DDX1: variants seen among roughly 807,000 people sequenced by gnomAD.
DDX1 encodes the protein DEAD-box helicase 1.
Under a neutral mutation model 108.7 loss-of-function variants are expected in DDX1, and 28 were observed. The ratio of observed to expected loss-of-function variants is 0.26; its 90% CI spans 0.19 to 0.35. DDX1 has a LOEUF of 0.35. Ranked by LOEUF, DDX1 falls within the 10% of genes least tolerant of loss-of-function variation. The pLI is 1.00. For missense variants in DDX1, 710 were observed against 884.5 expected, an observed-to-expected ratio of 0.80 and a Z score of 2.50; for synonymous variants, 295 against 288.9, an observed-to-expected ratio of 1.02 and a Z score of -0.21.
Position 15,595,608 on chromosome 2 carries a change from C to G in DDX1, c.132+55C>G, listed in dbSNP as rs556312119. 4 of 1,170,628 alleles carry G rather than the reference C, an allele frequency of 3.4e-6. No homozygotes were observed. In the South Asian group the frequency reaches 3.7e-5, roughly 11 times the overall value. The allele number at this position is 1,170,628 out of a possible 1,614,324, so 72.5% of individuals were successfully genotyped here. A position where few individuals can be genotyped will look rare whatever the true frequency, so the allele number is the denominator to read the frequency against. Reference sequence around the variant, plus strand: ...AGCTGGGGACACACTCTAAGAATTGCATAGGCTTACAAATGCTACTTTACC... The same window carrying G: ...AGCTGGGGACACACTCTAAGAATTGGATAGGCTTACAAATGCTACTTTACC... On this transcript the variant is annotated intron_variant, in intron 3 of 25. Coordinates refer to ENST00000233084, the MANE Select transcript of DDX1 (RefSeq NM_004939.3).
At position 15,602,608 on chromosome 2, in the gene DDX1, G is replaced by T; in HGVS notation, c.368G>T (p.Arg123Ile). Reference sequence around the variant, plus strand: ...GAAGTAAAGGAATGGCATGGGTGTAGAGCTACTAAAGGATTAATGAAAGGT... The same window carrying T: ...GAAGTAAAGGAATGGCATGGGTGTATAGCTACTAAAGGATTAATGAAAGGT... ...SREVKEWHGC[R>I]ATKGLMKGKH... The change falls in exon 7 of 26, where the codon AGA becomes ATA. Residue 123 changes from arginine (R) to isoleucine (I), a missense_variant. This residue lies in a region of DDX1 where 661 missense variants were observed against 810.2 expected (regional missense o/e 0.82). Coordinates refer to ENST00000233084, the MANE Select transcript of DDX1 (RefSeq NM_004939.3). 6.2e-7 allele frequency: 1 copy of T among 1,612,842 alleles called. No homozygotes were observed. Among genetic ancestry groups the T allele is most frequent in the South Asian group, 1.1e-5 (1 of 91,046 alleles).
At chr2:15,629,013 G>A (rs1439644499) in intron 23 of DDX1, among the ~76,000 whole-genome samples, 174 bp downstream of exon 23, 1 of 152,092 alleles carries the variant, frequency 6.6e-6, no homozygotes, top group Non-Finnish European at 1.5e-5. Context: ...ATAATAGGGT[G>A]AAATTTAGAA....
chr2:15,595,414 C>G, intron 2 of DDX1, 76 bp from the exon 3 acceptor site: 1 of 1,249,810 alleles, frequency 8.0e-7, no homozygotes. Context: ...TTCTTTTAGG[C>G]AAATTAACGT....
chr2:15,612,742 C>G (rs1256030827), intron 13 of DDX1, among the ~76,000 whole-genome samples: 1 of 152,218 alleles, frequency 6.6e-6, no homozygotes, highest in Non-Finnish European at 1.5e-5. Context: ...AGGGAGACTC[C>G]GTCTGCAATC....
At chr2:15,629,396 G>T (rs1666155267) in intron 23 of DDX1, among the ~76,000 whole-genome samples, 1 of 151,882 alleles carries the variant, frequency 6.6e-6, no homozygotes, top group South Asian at 2.1e-4. Context: ...GAAAACTTTT[G>T]GATTATTCTC....
At chr2:15,611,299 C>G (rs1403684293) in intron 13 of DDX1, among the ~76,000 whole-genome samples, 1 of 147,144 alleles carries the variant, frequency 6.8e-6, no homozygotes, top group Non-Finnish European at 1.5e-5. Flanking sequence ...TACACAAACA[C>G]GGCAACCATC....
At chr2:15,621,003 A>C in intron 17 of DDX1, 62 bp from the exon 18 acceptor site, 1 of 1,017,988 alleles carries the variant, frequency 9.8e-7, no homozygotes, top group Non-Finnish European at 1.5e-6. Context: ...AAAACATGAC[A>C]TATATTCTGA....
At chr2:15,624,504 G>A (rs72780876) in intron 19 of DDX1, among the ~76,000 whole-genome samples, 1,763 of 152,254 alleles carry the variant, frequency 0.012, 14 homozygotes, top group Non-Finnish European at 0.019. Flanking sequence ...ATGGCAGCAG[G>A]AAGGAGAAGT....
rs747720941 is a variant in DDX1, at chr2:15,627,050, C to T, written c.1595-4C>T. The T allele has an allele frequency of 6.9e-6, 11 of 1,600,810 alleles. No homozygotes were observed. The Middle Eastern group carries it at 5.0e-4, about 73-fold the overall frequency. ...GGTTAAATGCTTAATGTGCTTTTCA[C>T]TAGGACCTGATAAAAAAGGACACCA... On this transcript the variant is annotated splice_polypyrimidine_tract_variant and splice_region_variant and intron_variant, in intron 19 of 25. Transcript: ENST00000233084.
chr2:15,622,252 TCAC>T (rs1240430057), intron 18 of DDX1, among the ~76,000 whole-genome samples: 2 of 152,224 alleles, frequency 1.3e-5, no homozygotes, highest in Non-Finnish European at 2.9e-5. Context: ...TGTACAATCA[TCAC>T]CACTGTCCAT....
chr2:15,619,625 GT>G (rs1665959001), intron 16 of DDX1, among the ~76,000 whole-genome samples: 2 of 152,190 alleles, frequency 1.3e-5, no homozygotes, highest in Admixed American at 1.3e-4. Flanking sequence ...TATGTAAAAT[GT>G]TTGCTTTACG....
intron 12 of DDX1, among the ~76,000 whole-genome samples, chr2:15,606,614 C>G (rs886378555): frequency 1.3e-5 from 2 of 152,102 alleles, no homozygotes; most frequent in African/African-American, 2.4e-5. Flanking sequence ...GACAACCTAA[C>G]GAATAGGGAC....
intron 13 of DDX1, among the ~76,000 whole-genome samples, chr2:15,612,301 G>A (rs1349577115): frequency 4.6e-5 from 7 of 151,310 alleles, no homozygotes; most frequent in Admixed American, 4.6e-4. Context: ...GTCGCGGCCG[G>A]GTAGAGGCGC....
intron 5 of DDX1, among the ~76,000 whole-genome samples, chr2:15,598,869 TA>T (rs1161297914): frequency 6.6e-6 from 1 of 152,134 alleles, no homozygotes; most frequent in African/African-American, 2.4e-5. Flanking sequence ...GCCAATCTTA[TA>T]AAAAGGCGGA....
intron 5 of DDX1, among the ~76,000 whole-genome samples, chr2:15,598,148 T>G (rs1665531440): frequency 6.6e-6 from 1 of 152,228 alleles, no homozygotes; most frequent in Non-Finnish European, 1.5e-5. Flanking sequence ...TAAGTCACTC[T>G]TGTTTCATTA....
intron 12 of DDX1, among the ~76,000 whole-genome samples, chr2:15,606,573 C>T (rs964402820): frequency 6.6e-6 from 1 of 152,198 alleles, no homozygotes; most frequent in Non-Finnish European, 1.5e-5. Flanking sequence ...TTCACAACAA[C>T]CCTATAAGGT....
chr2:15,620,059 CAT>C, intron 16 of DDX1, 147 bp from the exon 17 acceptor site: 2 of 680,670 alleles, frequency 2.9e-6, no homozygotes, highest in Admixed American at 3.0e-5. Context: ...TGCCCAAAGT[CAT>C]AACTCTAGTT....
At chr2:15,613,183 A>ATT (rs3217220) in intron 13 of DDX1, 41 bp from the exon 14 acceptor site, 14,276 of 1,090,946 alleles carry the variant, frequency 0.013, 10 homozygotes, top group South Asian at 0.017. Flanking sequence ...GCAGACTTTA[A>ATT]TTTTTTTTTT....
intron 18 of DDX1, among the ~76,000 whole-genome samples, chr2:15,622,340 A>G (rs376517950): frequency 2.0e-5 from 3 of 152,234 alleles, no homozygotes; most frequent in Non-Finnish European, 4.4e-5. Flanking sequence ...AAAGCCTAAC[A>G]TTAAATTCCG....
Sources: gnomAD v4.1 joint callset for allele counts (sites outside exome capture counted in the v4.1 genomes callset) on GRCh38, gnomAD v4.1.1 for gene constraint, gnomAD v4.1.1 regional missense constraint, MANE v1.5 for transcripts, NCBI Gene and HGNC (gene_info 2026-07-23, HGNC 2026-07-21) for gene names.